The following RBFOX3 variants were observed in gnomAD, a reference collection of about 807,000 sequenced individuals.
RBFOX3 encodes RNA binding fox-1 homolog 3.
A neutral mutation model predicts 48.7 loss-of-function variants in RBFOX3; 17 were observed. The ratio of observed to expected loss-of-function variants is 0.35; its 90% CI spans 0.24 to 0.52. The LOEUF is 0.52. Among genes scored for constraint, RBFOX3 ranks in the 20% least tolerant of loss-of-function variants. The pLI, the probability that RBFOX3 is intolerant of heterozygous loss-of-function variation, is 0.94. For synonymous variants in RBFOX3, 212 were observed against 209.5 expected, an observed-to-expected ratio of 1.01 and a Z score of -0.10; for missense variants, 382 against 497.5, an observed-to-expected ratio of 0.77 and a Z score of 2.21.
At chr17:79,337,574 G>A (rs535266879) in intron 2 of RBFOX3, among the ~76,000 whole-genome samples, 4 of 152,282 alleles carry the variant, frequency 2.6e-5, no homozygotes, top group East Asian at 1.9e-4. Flanking sequence ...TTAGGAGTTC[G>A]AGACCAGCCT....
intron 2 of RBFOX3, among the ~76,000 whole-genome samples, chr17:79,380,093 A>G (rs1598442923): frequency 6.6e-6 from 1 of 151,238 alleles, no homozygotes; most frequent in East Asian, 1.9e-4. Context: ...CTCCTAGTCC[A>G]TGACCGCATG....
the RBFOX3 span, among the ~76,000 whole-genome samples, chr17:79,664,955 G>T: frequency 2.0e-5 from 3 of 152,178 alleles, no homozygotes; most frequent in Non-Finnish European, 4.4e-5. Context: ...CATTTTTAAG[G>T]CTGAATTCTA....
At chr17:79,401,294 C>T (rs1448755776) in intron 2 of RBFOX3, among the ~76,000 whole-genome samples, 1 of 152,244 alleles carries the variant, frequency 6.6e-6, no homozygotes, top group Non-Finnish European at 1.5e-5. Flanking sequence ...CGCTGCTGCT[C>T]ACGCGCCCCA....
At chr17:79,275,620 G>GT (rs200486994) in intron 3 of RBFOX3, among the ~76,000 whole-genome samples, 1,823 of 152,280 alleles carry the variant, frequency 0.012, 38 homozygotes, top group African/African-American at 0.041. Context: ...ATCAGGCAGG[G>GT]TTGCCAGCAC....
At chr17:79,522,929 C>CAAAAAAA (rs34245309) in intron 1 of RBFOX3, among the ~76,000 whole-genome samples, 2 of 31,976 alleles carry the variant, frequency 6.3e-5, no homozygotes. Context: ...GACTCCGTCT[C>CAAAAAAA]AAAAAAAAAA....
rs1284215332 is a variant in RBFOX3, at chr17:79,423,124, T to G, written c.-175+59330A>C. On this transcript the variant is annotated intron_variant, in intron 2 of 14. Coordinates refer to ENST00000693108, the MANE Select transcript of RBFOX3 (RefSeq NM_001350451.2). This position sits in a 1 kb window ranked among gnomAD's most constrained non-coding sequence, Gnocchi z 4.9. ...AGTCTCCTTCCAGACTCCAGACTCT[T>G]GGGTCCAGTGGCCAACTAGTCACCC... Among the ~76,000 whole-genome samples the G allele has an allele frequency of 6.6e-6, 1 of 152,166 alleles. No individual in the cohort carries two copies. Among genetic ancestry groups the G allele is most frequent in the Non-Finnish European group, 1.5e-5 (1 of 68,020 alleles).
intron 1 of RBFOX3, among the ~76,000 whole-genome samples, chr17:79,488,531 G>A (rs1400219926): frequency 6.6e-6 from 1 of 152,176 alleles, no homozygotes; most frequent in Non-Finnish European, 1.5e-5. Flanking sequence ...AACATTCCAG[G>A]CCATGGCAAG....
At chr17:79,543,686 G>A (rs971456208) in intron 1 of RBFOX3, among the ~76,000 whole-genome samples, 13 of 152,222 alleles carry the variant, frequency 8.5e-5, no homozygotes, top group African/African-American at 1.2e-4. Flanking sequence ...GATGAAGCAT[G>A]CTGGGCACGT....
chr17:79,171,168 C>A (rs994549533), intron 4 of RBFOX3, among the ~76,000 whole-genome samples: 1 of 152,196 alleles, frequency 6.6e-6, no homozygotes, highest in Non-Finnish European at 1.5e-5. Flanking sequence ...AAGAGAATGC[C>A]AAATATCTCA....
At chr17:79,168,731 GAC>G (rs1428020436) in intron 4 of RBFOX3, among the ~76,000 whole-genome samples, 2 of 152,248 alleles carry the variant, frequency 1.3e-5, no homozygotes, top group African/African-American at 4.8e-5. Context: ...TGGCCCGGCA[GAC>G]ACAGAGCCAT....
chr17:79,566,079 G>A (rs1026739700), intron 1 of RBFOX3, among the ~76,000 whole-genome samples: 2 of 152,068 alleles, frequency 1.3e-5, no homozygotes, highest in Admixed American at 6.5e-5. Context: ...TGTCATCCTC[G>A]GATTTAATAA....
chr17:79,548,139 C>T (rs1055035856), intron 1 of RBFOX3, among the ~76,000 whole-genome samples: 1 of 152,232 alleles, frequency 6.6e-6, no homozygotes, highest in East Asian at 1.9e-4. Context: ...CAGTGCGGCA[C>T]GGGCTGTGCC....
At position 79,371,197 on chromosome 17, in the gene RBFOX3, G is replaced by T. The variant is rs572274909; in HGVS notation, c.-174-63373C>A. ...ACCATGGCGAGGGGCCACAGTGGCG[G>T]CCCTGTTGCCTCCATGGGGCAGATT... On this transcript the variant is annotated intron_variant, in intron 2 of 14. Coordinates refer to ENST00000693108, the MANE Select transcript of RBFOX3 (RefSeq NM_001350451.2). Among the ~76,000 whole-genome samples, 13 of 152,362 alleles carry T rather than the reference G, an allele frequency of 8.5e-5. No individual in the cohort carries two copies. The East Asian group carries it at 2.5e-3, about 29-fold the overall frequency.
chr17:79,625,161 C>T, the RBFOX3 span, among the ~76,000 whole-genome samples: 1 of 152,156 alleles, frequency 6.6e-6, no homozygotes, highest in Admixed American at 6.5e-5. Flanking sequence ...CCTCCTCCTC[C>T]CTCTCCCTGT....
chr17:79,483,653 C>T (rs2079109083), intron 1 of RBFOX3, among the ~76,000 whole-genome samples: 1 of 151,722 alleles, frequency 6.6e-6, no homozygotes, highest in African/African-American at 2.4e-5. Flanking sequence ...TCCCACTTTG[C>T]CTCCACTGGA....
At chr17:79,169,840 C>T (rs561086472) in intron 4 of RBFOX3, among the ~76,000 whole-genome samples, 5 of 151,808 alleles carry the variant, frequency 3.3e-5, no homozygotes, top group East Asian at 3.9e-4. Context: ...ACCACGGAAC[C>T]GTATACTTCA....
chr17:79,583,588 G>T (rs2093147173), intron 1 of RBFOX3, among the ~76,000 whole-genome samples: 1 of 152,184 alleles, frequency 6.6e-6, no homozygotes, highest in African/African-American at 2.4e-5. Context: ...CAATGACAAG[G>T]TCAAGGGGAG....
rs141816871 is a variant in RBFOX3 at position 79,204,987 on chromosome 17, G to C, written c.-34+30779C>G. 2.4e-4 allele frequency among the ~76,000 whole-genome samples: 37 copies of C among 152,192 alleles called. No individual in the cohort carries two copies. Among genetic ancestry groups the C allele is most frequent in the African/African-American group, 8.0e-4 (33 of 41,504 alleles). ...GCTTATATAGCCAGGAAAAAATCAA[G>C]AGCTAGAGAGCAGAGAACTCCTCAG... On this transcript the variant is annotated intron_variant, in intron 4 of 14. Transcript: ENST00000693108. The surrounding 1 kb of genome is among the most constrained non-coding windows in gnomAD (Gnocchi z 4.5).
intron 1 of RBFOX3, among the ~76,000 whole-genome samples, chr17:79,575,253 C>T (rs1440079005): frequency 4.6e-5 from 7 of 152,104 alleles, no homozygotes; most frequent in Non-Finnish European, 1.0e-4. Flanking sequence ...AGGTATGAAA[C>T]GCTGTGAGGG....
Sources: allele counts gnomAD v4.1 joint callset (sites outside exome capture counted in the v4.1 genomes callset), GRCh38; gene constraint gnomAD v4.1.1; non-coding constraint Gnocchi (gnomAD v3.1); transcripts MANE v1.5; gene names NCBI Gene and HGNC (gene_info 2026-07-23, HGNC 2026-07-21).